The following ADGRL2 variants were observed in gnomAD, a reference collection of about 807,000 sequenced individuals.
ADGRL2 encodes the protein calcium-independent alpha-latrotoxin receptor 2.
In ADGRL2, 44 loss-of-function variants were observed where a neutral mutation model predicts 157.4. The observed-to-expected ratio is 0.28, with a 90% CI of 0.22 to 0.36. The LOEUF is 0.36. ADGRL2 is among the 10% of genes least tolerant of loss of function. The probability of loss-of-function intolerance (pLI) is 1.00; values close to 1 mark genes in which losing one functional copy is unlikely to be tolerated. For missense variants in ADGRL2, 1,510 were observed against 1,768.9 expected (o/e 0.85, Z 2.63); for synonymous variants, 585 against 624.7 (o/e 0.94, Z 0.95).
intron 2 of ADGRL2, chr1:81,503,313 G>C (rs1557739974): frequency 1.2e-6 from 2 of 1,614,188 alleles, no homozygotes; most frequent in East Asian, 2.2e-5. Flanking sequence ...CAGGTGTGCT[G>C]TTTGCCCAGA....
intron 3 of ADGRL2, among the ~76,000 whole-genome samples, chr1:81,613,726 G>C (rs1234577158): frequency 6.6e-6 from 1 of 152,144 alleles, no homozygotes; most frequent in Non-Finnish European, 1.5e-5. Context: ...GGATAAACAG[G>C]GTGATCCAAT....
chr1:81,355,252 G>A (rs569490660), intron 1 of ADGRL2, among the ~76,000 whole-genome samples: 16 of 151,964 alleles, frequency 1.1e-4, no homozygotes, highest in East Asian at 5.8e-4. Context: ...CCAGCTACTC[G>A]GGAGGCTGAG....
At chr1:81,477,044 C>T (rs1456826769) in intron 2 of ADGRL2, among the ~76,000 whole-genome samples, 1 of 152,190 alleles carries the variant, frequency 6.6e-6, no homozygotes, top group Non-Finnish European at 1.5e-5. Flanking sequence ...AACTTATCCT[C>T]TCTGTTCACA....
In ADGRL2 at chr1:81,866,212, A is replaced by T. The variant is rs531699545; in HGVS notation, c.73+29155A>T. 7.2e-4 allele frequency among the ~76,000 whole-genome samples: 110 copies of T among 152,144 alleles called. 1 individual carries two copies. The highest frequency in any genetic ancestry group is 2.5e-3 in the African/African-American group (105 of 41,524). ...CATTCCTAGGCTTGTCATATCACTG[A>T]CTTTTTCGCATCCTTTAGGCCTTGG... On this transcript the variant is annotated intron_variant, in intron 2 of 23. Coordinates refer to ENST00000686636, the MANE Select transcript of ADGRL2 (RefSeq NM_001366006.2).
chr1:81,412,856 C>A (rs1328570685), intron 1 of ADGRL2, among the ~76,000 whole-genome samples: 1 of 151,712 alleles, frequency 6.6e-6, no homozygotes, highest in Non-Finnish European at 1.5e-5. Flanking sequence ...ATAGACAGAG[C>A]TTCCTGGGTG....
intron 2 of ADGRL2, among the ~76,000 whole-genome samples, chr1:81,786,517 A>C (rs2087054480): frequency 6.6e-6 from 1 of 152,244 alleles, no homozygotes. Flanking sequence ...CAGAGGTTGC[A>C]GTGAGCCAAG....
At chr1:81,655,512 A>T (rs1553136026) in intron 3 of ADGRL2, among the ~76,000 whole-genome samples, 1 of 152,046 alleles carries the variant, frequency 6.6e-6, no homozygotes, top group Non-Finnish European at 1.5e-5. Context: ...TACTTTCTAC[A>T]CGCGTCCTCA....
chr1:81,487,503 G>A (rs938564915), intron 2 of ADGRL2, among the ~76,000 whole-genome samples: 3 of 151,976 alleles, frequency 2.0e-5, no homozygotes, highest in Non-Finnish European at 4.4e-5. Context: ...AAATTAGTTG[G>A]GTGTGATGGT....
At position 81,764,944 on chromosome 1, in the gene ADGRL2, A is replaced by G. The variant is rs552699652; in HGVS notation, c.-101+3092A>G. 1.8e-4 allele frequency among the ~76,000 whole-genome samples: 28 copies of G among 152,248 alleles called. 1 individual carries two copies. The highest frequency in any genetic ancestry group is 6.5e-4 in the African/African-American group (27 of 41,588). On this transcript the variant is annotated intron_variant, in intron 2 of 20. Coordinates refer to the ADGRL2 transcript ENST00000359929. ...TAAATTTCATTCATTTGTAAAATTC[A>G]CATAAGTGAAAGTCTCATCCATATT...
intron 2 of ADGRL2, among the ~76,000 whole-genome samples, chr1:81,790,811 T>TA (rs1388113910): frequency 2.6e-5 from 4 of 152,160 alleles, no homozygotes; most frequent in East Asian, 1.9e-4. Context: ...AATAGTATAA[T>TA]ACTTCCTATG....
intron 1 of ADGRL2, among the ~76,000 whole-genome samples, chr1:81,704,408 G>A (rs920339506): frequency 8.5e-5 from 13 of 152,216 alleles, no homozygotes; most frequent in South Asian, 6.2e-4. Context: ...TCCCCTGGGA[G>A]CGGCGGGCCT....
chr1:81,400,279 C>T (rs2076728911), intron 1 of ADGRL2, among the ~76,000 whole-genome samples: 1 of 152,038 alleles, frequency 6.6e-6, no homozygotes, highest in Middle Eastern at 3.4e-3. Context: ...CTAGGAACAT[C>T]TTTGGGGCCC....
chr1:81,833,359 A>C (rs537471103), intron 1 of ADGRL2, among the ~76,000 whole-genome samples: 34 of 152,252 alleles, frequency 2.2e-4, no homozygotes, highest in African/African-American at 8.2e-4. Flanking sequence ...CTTAATAGCC[A>C]GTGTTTGCAG....
intron 18 of ADGRL2, chr1:81,980,779 T>C: frequency 1.5e-6 from 1 of 682,712 alleles, no homozygotes; most frequent in Non-Finnish European, 2.8e-6. Flanking sequence ...TCTTTCTGTC[T>C]TCTCATCTAC....
intron 2 of ADGRL2, among the ~76,000 whole-genome samples, chr1:81,486,545 GA>G (rs200011044): frequency 3.3e-5 from 5 of 150,282 alleles, no homozygotes; most frequent in Admixed American, 2.0e-4. Flanking sequence ...GATAAAACTT[GA>G]AAAAAAACAA....
intron 1 of ADGRL2, among the ~76,000 whole-genome samples, chr1:81,382,422 G>A (rs2076359402): frequency 6.6e-6 from 1 of 152,202 alleles, no homozygotes; most frequent in South Asian, 2.1e-4. Flanking sequence ...AGGGGTAGCT[G>A]CTGTGAGCTA....
intron 1 of ADGRL2, among the ~76,000 whole-genome samples, chr1:81,314,475 T>C (rs764200416): frequency 1.1e-4 from 16 of 152,068 alleles, no homozygotes; most frequent in Non-Finnish European, 1.9e-4. Flanking sequence ...CTCAGTAATA[T>C]CAGCTCAGAA....
intron 2 of ADGRL2, among the ~76,000 whole-genome samples, chr1:81,847,544 T>G (rs1178822443): frequency 6.6e-6 from 1 of 151,936 alleles, no homozygotes; most frequent in Non-Finnish European, 1.5e-5. Context: ...CTCATTTTAT[T>G]AAAAAAGGAA....
At chr1:81,638,918 C>T (rs950759899) in intron 3 of ADGRL2, among the ~76,000 whole-genome samples, 4 of 152,144 alleles carry the variant, frequency 2.6e-5, no homozygotes, top group African/African-American at 9.7e-5. Context: ...GTGAGAGGAT[C>T]GCTTGAGCCC....
Sources: allele counts gnomAD v4.1 joint callset (sites outside exome capture counted in the v4.1 genomes callset), GRCh38; gene constraint gnomAD v4.1.1; transcripts MANE v1.5; gene names NCBI Gene and HGNC (gene_info 2026-07-23, HGNC 2026-07-21).